The following UBR4 variants were observed in gnomAD, a reference collection of about 807,000 sequenced individuals.
The protein encoded by UBR4 is E3 ubiquitin-protein ligase UBR4.
A neutral mutation model predicts 575.6 loss-of-function variants in UBR4; 124 were observed. That is an observed-to-expected ratio of 0.22 (90% CI 0.19 to 0.25). The LOEUF (loss-of-function observed/expected upper bound fraction) is 0.25, where lower values mean the gene tolerates loss of function less well. UBR4 is among the 10% of genes least tolerant of loss of function. The pLI, the probability that UBR4 is intolerant of heterozygous loss-of-function variation, is 1.00. For synonymous variants in UBR4, 2,455 were observed against 2,473.7 expected, an observed-to-expected ratio of 0.99 and a Z score of 0.22; for missense variants, 4,818 against 6,478.8, an observed-to-expected ratio of 0.74 and a Z score of 8.80.
chr1:19,074,751 G>C lies in UBR4; in HGVS notation c.*81C>G. ...GTAACAATGCAGCATCCCGCGGAGG[G>C]AACTTAATGCACAAGGAGGGAGAAC... On this transcript the variant is annotated 3_prime_UTR_variant, in exon 106 of 106. Coordinates refer to ENST00000375254, the MANE Select transcript of UBR4 (RefSeq NM_020765.3). The C allele has an allele frequency of 7.3e-6, 11 of 1,504,772 alleles. No individual in the cohort carries two copies. The highest frequency in any genetic ancestry group is 9.2e-6 in the Non-Finnish European group (10 of 1,091,034). The allele number at this position is 1,504,772 out of a possible 1,614,324, so 93.2% of individuals were successfully genotyped here. A position where few individuals can be genotyped will look rare whatever the true frequency, so the allele number is the denominator to read the frequency against.
chr1:19,169,459 A>G lies in UBR4; in HGVS notation c.3717T>C (p.Asn1239=). The G allele has an allele frequency of 6.2e-7, 1 of 1,613,856 alleles. No homozygotes were observed. The highest frequency in any genetic ancestry group is 8.5e-7 in the Non-Finnish European group (1 of 1,179,912). ...CCCAGGATCCAATATTGGGAAATTCATTGGTATTGATGTTGTTCCAGGACT... is the reference window on the plus strand; with the variant it reads ...CCCAGGATCCAATATTGGGAAATTCGTTGGTATTGATGTTGTTCCAGGACT... The part of the protein sequence containing the change: ...VCESWNNINT[N]EFPNIGSWRN... Residue 1239 remains asparagine (N), a synonymous_variant, in exon 27 of 106, where the codon AAT becomes AAC. Transcript: ENST00000375254.
chr1:19,118,946 A>G lies in UBR4; in HGVS notation c.10467T>C (p.Tyr3489=), dbSNP rs140601125. 3 of 1,614,092 alleles carry G rather than the reference A, an allele frequency of 1.9e-6. No individual in the cohort carries two copies. The African/African-American group carries it at 4.0e-5, about 22-fold the overall frequency. The stretch of plus-strand genomic sequence containing the variant: ...GCAGAATCTCCACAGCCTTCTGTGA[A>G]TACTCCTTCAACTGAAACAGAATTC... ...TPQTEKKLKE[Y]SQKAVEILRT... The change falls in exon 71 of 106, where the codon TAT becomes TAC. Residue 3489 remains tyrosine (Y), a synonymous_variant. Coordinates refer to ENST00000375254, the MANE Select transcript of UBR4 (RefSeq NM_020765.3).
rs1260838182 is a variant in UBR4, at chr1:19,174,351, T to C, written c.2950A>G (p.Arg984Gly). 8 of 1,613,364 alleles carry C rather than the reference T, an allele frequency of 5.0e-6. No homozygotes were observed. The highest frequency in any genetic ancestry group is 6.8e-6 in the Non-Finnish European group (8 of 1,179,932). ...GTTACATTCTTGTTTTCCTTTCTCC[T>C]AACTGTATCAAGCTGGGACCCAGCT... is the stretch of plus-strand genomic sequence containing the variant. ...LAAGSQLDTVRRKENKNVTAL... is the reference protein window; with the variant it reads ...LAAGSQLDTVGRKENKNVTAL... Residue 984 changes from arginine (R) to glycine (G), a missense_variant, in exon 22 of 106, where the codon AGG becomes GGG. Arg to Gly is a moderately radical substitution (Grantham distance 125). Transcript: ENST00000375254.
At chr1:19,197,523 G>C in intron 7 of UBR4, 147 bp downstream of exon 7, 1 of 1,213,986 alleles carries the variant, frequency 8.2e-7, no homozygotes, top group Non-Finnish European at 1.1e-6. Flanking sequence ...CAGCTACTCA[G>C]GAGGCTGAGG....
chr1:19,093,229 GCTTTAT>G lies in UBR4; in HGVS notation c.14111+78_14111+83del, dbSNP rs1406954269. 6.5e-7 allele frequency: 1 copy of G among 1,533,284 alleles called. No homozygotes were observed. The highest frequency in any genetic ancestry group is 1.4e-5 in the African/African-American group (1 of 72,858). 95.0% of individuals were successfully genotyped at this position (1,533,284 alleles called of 1,614,324 possible). On this transcript the variant is annotated intron_variant, in intron 96 of 105. Transcript: ENST00000375254. This position sits in a 1 kb window ranked among gnomAD's most constrained non-coding sequence, Gnocchi z 4.8. ...AAGGAGGGCAAGGGGCACACGTGAA[GCTTTAT>G]GCCAAGATGCTGATGGAGAAGGAAA... is the stretch of plus-strand genomic sequence containing the variant.
At chr1:19,148,693 A>C in intron 49 of UBR4, 67 bp from the exon 50 acceptor site, 1 of 1,576,272 alleles carries the variant, frequency 6.3e-7, no homozygotes, top group South Asian at 1.1e-5. Context: ...TAGCCTAAGC[A>C]AACTATAGTC....
chr1:19,115,027 G>T (rs1433250060), intron 74 of UBR4, 78 bp from the exon 75 acceptor site: 1 of 1,583,108 alleles, frequency 6.3e-7, no homozygotes, highest in African/African-American at 1.3e-5. Context: ...AATGGATTGT[G>T]CCACATTTAT....
intron 39 of UBR4, among the ~76,000 whole-genome samples, chr1:19,159,649 C>T (rs1306382959): frequency 1.3e-5 from 2 of 150,292 alleles, no homozygotes; most frequent in African/African-American, 2.5e-5. Flanking sequence ...GTCGCCCAGG[C>T]TGGAGTGCAG....
At chr1:19,174,277 T>C in intron 22 of UBR4, 42 bp downstream of exon 22, 1 of 1,569,610 alleles carries the variant, frequency 6.4e-7, no homozygotes, top group Non-Finnish European at 8.6e-7. Context: ...TGATCAATGA[T>C]CAAACACAAC....
At chr1:19,087,125 G>C (rs1412383676) in intron 99 of UBR4, among the ~76,000 whole-genome samples, 2 of 152,250 alleles carry the variant, frequency 1.3e-5, no homozygotes, top group Non-Finnish European at 2.9e-5. Flanking sequence ...TGCTTCATCT[G>C]TCTGAAAATG....
At chr1:19,168,836 G>C (rs1275598344) in intron 27 of UBR4, among the ~76,000 whole-genome samples, 1 of 152,104 alleles carries the variant, frequency 6.6e-6, no homozygotes, top group Non-Finnish European at 1.5e-5. Context: ...AAATTAGCTG[G>C]GCGTGGTGGT....
chr1:19,173,215 T>A lies in UBR4; in HGVS notation c.3257A>T (p.Asp1086Val), dbSNP rs757407308. The A allele has an allele frequency of 1.2e-6, 2 of 1,614,084 alleles. No individual in the cohort carries two copies. Among genetic ancestry groups the A allele is most frequent in the African/African-American group, 1.3e-5 (1 of 74,926 alleles). The change falls in exon 24 of 106, where the codon GAT becomes GTT. Residue 1086 changes from aspartate (D) to valine (V), a missense_variant. Transcript: ENST00000375254. ...STTKCSSVKY[D>V]VEIVEEYFAR... ...GAAGTATTCCTCTACTATTTCAACATCATATTTCACTGAGCTACACTTAGT... is the reference window on the plus strand; with the variant it reads ...GAAGTATTCCTCTACTATTTCAACAACATATTTCACTGAGCTACACTTAGT...
At chr1:19,143,889 C>G in intron 55 of UBR4, 91 bp downstream of exon 55, 1 of 1,217,552 alleles carries the variant, frequency 8.2e-7, no homozygotes, top group Admixed American at 1.8e-5. Context: ...GGACCTTGGT[C>G]AACATGAGCA....
intron 53 of UBR4, 42 bp downstream of exon 53, chr1:19,145,751 T>A (rs766320329): frequency 1.2e-6 from 2 of 1,602,732 alleles, no homozygotes; most frequent in South Asian, 1.1e-5. Context: ...AGAACTTACA[T>A]CAGGCTTCAT....
intron 87 of UBR4, among the ~76,000 whole-genome samples, chr1:19,103,293 G>A (rs933530534): frequency 2.0e-5 from 3 of 152,156 alleles, no homozygotes; most frequent in Non-Finnish European, 4.4e-5. Context: ...TTTTTAAAAA[G>A]AGACCTCACA....
chr1:19,156,126 A>C, intron 42 of UBR4, 145 bp downstream of exon 42: 2 of 1,119,810 alleles, frequency 1.8e-6, no homozygotes, highest in Non-Finnish European at 2.6e-6. Flanking sequence ...TCTCCACCTC[A>C]GCCTTCCAAG....
intron 84 of UBR4, among the ~76,000 whole-genome samples, chr1:19,105,513 T>C (rs2079089278): frequency 6.6e-6 from 1 of 152,230 alleles, no homozygotes; most frequent in African/African-American, 2.4e-5. Context: ...ATTAGCTGCA[T>C]AAGATCTCAA....
Position 19,096,508 on chromosome 1 carries a change from C to G in UBR4, c.13518+15G>C, listed in dbSNP as rs2078069983. 1.2e-6 allele frequency: 2 copies of G among 1,608,918 alleles called. No homozygotes were observed. The highest frequency in any genetic ancestry group is 3.4e-5 in the Admixed American group (2 of 59,340). ...CAGAAAGGCTGGCCCCCACAACTTG[C>G]TGCCCCCAACTCACTGTTAGAAGGT... On this transcript the variant is annotated intron_variant, in intron 92 of 105. Coordinates refer to ENST00000375254, the MANE Select transcript of UBR4 (RefSeq NM_020765.3).
chr1:19,103,314 C>CA (rs2078845665), intron 87 of UBR4, among the ~76,000 whole-genome samples: 1 of 152,148 alleles, frequency 6.6e-6, no homozygotes, highest in South Asian at 2.1e-4. Flanking sequence ...CCTGTAATCC[C>CA]AGCACTTTGG....
Sources: allele counts gnomAD v4.1 joint callset (sites outside exome capture counted in the v4.1 genomes callset), GRCh38; gene constraint gnomAD v4.1.1; non-coding constraint Gnocchi (gnomAD v3.1); transcripts MANE v1.5; gene names NCBI Gene and HGNC (gene_info 2026-07-23, HGNC 2026-07-21).